The following ARHGAP15 variants were observed in gnomAD, a reference collection of about 807,000 sequenced individuals.
The protein encoded by ARHGAP15 is rho GTPase-activating protein 15.
A neutral mutation model predicts 63.7 loss-of-function variants in ARHGAP15; 51 were observed. The ratio of observed to expected loss-of-function variants is 0.80; its 90% CI spans 0.64 to 1.01. The LOEUF (loss-of-function observed/expected upper bound fraction) is 1.01, where lower values mean the gene tolerates loss of function less well. ARHGAP15 is among the 50% of genes least tolerant of loss of function. The pLI is 0.00. For missense variants in ARHGAP15, 560 were observed against 564.6 expected (o/e 0.99, Z 0.08); for synonymous variants, 191 against 193.8 (o/e 0.99, Z 0.12).
intron 5 of ARHGAP15, among the ~76,000 whole-genome samples, chr2:143,241,150 G>A (rs1693845507): frequency 2.0e-5 from 3 of 152,070 alleles, no homozygotes; most frequent in Non-Finnish European, 1.5e-5. Context: ...TAGAGTATAT[G>A]TATAGTCTTT....
At chr2:143,457,512 G>T (rs1387999231) in intron 8 of ARHGAP15, among the ~76,000 whole-genome samples, 1 of 151,728 alleles carries the variant, frequency 6.6e-6, no homozygotes, top group African/African-American at 2.4e-5. Context: ...GGGCAACAGA[G>T]TGAAACCCTG....
chr2:143,471,265 T>C (rs529335963), intron 8 of ARHGAP15, among the ~76,000 whole-genome samples: 10 of 150,584 alleles, frequency 6.6e-5, no homozygotes, highest in South Asian at 4.2e-4. Context: ...CATATATATA[T>C]ACACATAGAG....
intron 10 of ARHGAP15, among the ~76,000 whole-genome samples, chr2:143,541,085 C>G (rs1695025863): frequency 6.6e-6 from 1 of 152,072 alleles, no homozygotes; most frequent in African/African-American, 2.4e-5. Context: ...TCTTTTTATT[C>G]TTTTTTCTCT....
intron 12 of ARHGAP15, among the ~76,000 whole-genome samples, chr2:143,626,436 C>T (rs140363202): frequency 3.4e-4 from 51 of 152,172 alleles, no homozygotes; most frequent in Non-Finnish European, 6.3e-4. Flanking sequence ...AGAATGGAGC[C>T]GTAGACCTTC....
chr2:143,589,066 C>G (rs1318605224), intron 11 of ARHGAP15, among the ~76,000 whole-genome samples: 1 of 152,176 alleles, frequency 6.6e-6, no homozygotes, highest in African/African-American at 2.4e-5. Flanking sequence ...TGCCTACCCA[C>G]TACTCCCTCA....
chr2:143,226,658 T>C (rs1350185304), intron 4 of ARHGAP15, among the ~76,000 whole-genome samples: 1 of 152,176 alleles, frequency 6.6e-6, no homozygotes, highest in Non-Finnish European at 1.5e-5. Flanking sequence ...GTGGTTTTCT[T>C]TCTGGGTTTT....
At chr2:143,249,317 TA>T (rs11309958) in intron 5 of ARHGAP15, among the ~76,000 whole-genome samples, 25,690 of 152,008 alleles carry the variant, frequency 0.17, 2,343 homozygotes, top group Middle Eastern at 0.25. Context: ...TAATTTACCA[TA>T]AAAAAACAAA....
At chr2:143,280,560 G>A (rs1318070403) in intron 6 of ARHGAP15, among the ~76,000 whole-genome samples, 1 of 152,124 alleles carries the variant, frequency 6.6e-6, no homozygotes, top group East Asian at 1.9e-4. Flanking sequence ...GAGGGTGAGT[G>A]AACACGGGCC....
chr2:143,175,934 A>C (rs1690993576), intron 2 of ARHGAP15, among the ~76,000 whole-genome samples: 1 of 152,230 alleles, frequency 6.6e-6, no homozygotes, highest in African/African-American at 2.4e-5. Context: ...GATATAATTG[A>C]ATAGTATAAT....
At chr2:143,670,022 A>G (rs548345523) in intron 12 of ARHGAP15, among the ~76,000 whole-genome samples, 42 of 152,294 alleles carry the variant, frequency 2.8e-4, no homozygotes, top group African/African-American at 9.6e-4. Context: ...TTAAATGCCC[A>G]TTAGTGCTTA....
chr2:143,592,517 A>G (rs1697359672), intron 11 of ARHGAP15, among the ~76,000 whole-genome samples: 1 of 152,188 alleles, frequency 6.6e-6, no homozygotes, highest in South Asian at 2.1e-4. Context: ...CATGCATGTG[A>G]AAGAGAATTG....
intron 6 of ARHGAP15, among the ~76,000 whole-genome samples, chr2:143,301,191 A>G (rs1287498046): frequency 1.3e-5 from 2 of 151,958 alleles, no homozygotes; most frequent in Non-Finnish European, 2.9e-5. Flanking sequence ...TTGAAACTTA[A>G]TATTTGCATT....
intron 8 of ARHGAP15, among the ~76,000 whole-genome samples, chr2:143,444,025 C>CTCATCAG (rs1365764147): frequency 6.6e-6 from 1 of 152,164 alleles, no homozygotes; most frequent in Non-Finnish European, 1.5e-5. Context: ...CTGTGGATGT[C>CTCATCAG]CATTGTCGTG....
chr2:143,682,067 G>C (rs973971907), intron 12 of ARHGAP15, among the ~76,000 whole-genome samples: 4 of 152,126 alleles, frequency 2.6e-5, no homozygotes, highest in Non-Finnish European at 5.9e-5. Flanking sequence ...TGCCCAAAGA[G>C]CATAATGTAT....
intron 5 of ARHGAP15, among the ~76,000 whole-genome samples, chr2:143,232,795 T>G (rs1337829179): frequency 6.6e-6 from 1 of 152,156 alleles, no homozygotes; most frequent in Non-Finnish European, 1.5e-5. Flanking sequence ...AATTTAGGTG[T>G]TTTTTAATTC....
chr2:143,569,054 C>G (rs1696349146), intron 11 of ARHGAP15, among the ~76,000 whole-genome samples: 1 of 152,082 alleles, frequency 6.6e-6, no homozygotes, highest in Non-Finnish European at 1.5e-5. Context: ...GGGAGAAATA[C>G]CTAATGTAAA....
At chr2:143,294,232 C>G (rs1682534258) in intron 6 of ARHGAP15, among the ~76,000 whole-genome samples, 1 of 152,016 alleles carries the variant, frequency 6.6e-6, no homozygotes, top group African/African-American at 2.4e-5. Context: ...ACCTAATGTT[C>G]TTTGAATATA....
At chr2:143,342,305 T>C (rs1255439437) in intron 6 of ARHGAP15, among the ~76,000 whole-genome samples, 1 of 152,028 alleles carries the variant, frequency 6.6e-6, no homozygotes, top group East Asian at 1.9e-4. Flanking sequence ...TGTCTAGAAA[T>C]GTAGGACAGA....
Position 143,542,017 on chromosome 2 carries a change from G to A in ARHGAP15, c.926-14391G>A, listed in dbSNP as rs1200375896. Reference sequence around the variant, plus strand: ...AGGCAGGCCTCCTTGAGCTGTGGTGGGCTCCACCCAGTTCGAGGTTCCTGG... The same window carrying A: ...AGGCAGGCCTCCTTGAGCTGTGGTGAGCTCCACCCAGTTCGAGGTTCCTGG... On this transcript the variant is annotated intron_variant, in intron 10 of 13. Coordinates refer to ENST00000295095, the MANE Select transcript of ARHGAP15 (RefSeq NM_018460.4). Among the ~76,000 whole-genome samples the A allele has an allele frequency of 2.6e-5, 4 of 152,206 alleles. No homozygotes were observed. The East Asian group carries it at 7.7e-4, about 29-fold the overall frequency.
Sources: gnomAD v4.1 joint callset for allele counts (sites outside exome capture counted in the v4.1 genomes callset) on GRCh38, gnomAD v4.1.1 for gene constraint, MANE v1.5 for transcripts, NCBI Gene and HGNC (gene_info 2026-07-23, HGNC 2026-07-21) for gene names.